Variants in LRRC1 observed in about 807,000 individuals in gnomAD.
The protein encoded by LRRC1 is leucine-rich repeat-containing protein 1.
Under a neutral mutation model 69.9 loss-of-function variants are expected in LRRC1, and 28 were observed. That is an observed-to-expected ratio of 0.40 (90% CI 0.30 to 0.55). The LOEUF is 0.55. Among genes scored for constraint, LRRC1 ranks in the 20% least tolerant of loss-of-function variants. LRRC1 has a pLI of 0.47. For missense variants in LRRC1, 498 were observed against 609.0 expected (o/e 0.82, Z 1.92); for synonymous variants, 236 against 240.2 (o/e 0.98, Z 0.16).
At chr6:53,813,209 T>G (rs116435312) in intron 1 of LRRC1, among the ~76,000 whole-genome samples, 66 of 152,178 alleles carry the variant, frequency 4.3e-4, no homozygotes, top group African/African-American at 1.6e-3. Context: ...GAGTTGAAGA[T>G]TCATAAGAGG....
chr6:53,811,726 C>G (rs762002441), intron 1 of LRRC1, among the ~76,000 whole-genome samples: 1 of 152,212 alleles, frequency 6.6e-6, no homozygotes, highest in African/African-American at 2.4e-5. Flanking sequence ...GATGGGAAAA[C>G]TAAGGCTGAG....
chr6:53,843,604 G>A (rs1581867968), intron 2 of LRRC1, among the ~76,000 whole-genome samples: 2 of 152,286 alleles, frequency 1.3e-5, no homozygotes, highest in South Asian at 2.1e-4. Context: ...TTGTTTTAGA[G>A]TGGCTTATTT....
intron 2 of LRRC1, among the ~76,000 whole-genome samples, chr6:53,855,610 T>G (rs1055195813): frequency 4.6e-5 from 7 of 152,198 alleles, no homozygotes; most frequent in African/African-American, 1.7e-4. Flanking sequence ...GCTGCCTGTA[T>G]TGTGGTGTGC....
chr6:53,882,040 A>G (rs775206153), intron 3 of LRRC1, among the ~76,000 whole-genome samples: 40 of 152,216 alleles, frequency 2.6e-4, no homozygotes, highest in Non-Finnish European at 5.4e-4. Flanking sequence ...CTTAAATAGA[A>G]CTAAAAGAAA....
At chr6:53,850,931 C>A (rs1231835126) in intron 2 of LRRC1, among the ~76,000 whole-genome samples, 1 of 152,054 alleles carries the variant, frequency 6.6e-6, no homozygotes, top group South Asian at 2.1e-4. Context: ...ACGAACTATG[C>A]CAACAAGGTA....
chr6:53,798,649 G>C (rs758685720), intron 1 of LRRC1, among the ~76,000 whole-genome samples: 40 of 152,194 alleles, frequency 2.6e-4, no homozygotes, highest in Non-Finnish European at 4.4e-4. Flanking sequence ...AAAGTGCTGG[G>C]ATTACAGGCG....
intron 10 of LRRC1, among the ~76,000 whole-genome samples, chr6:53,912,662 A>G (rs1008430601): frequency 1.3e-5 from 2 of 152,218 alleles, no homozygotes; most frequent in African/African-American, 4.8e-5. Flanking sequence ...ATTATGTATG[A>G]AAGTAATTAT....
intron 2 of LRRC1, among the ~76,000 whole-genome samples, chr6:53,858,244 C>A (rs574306079): frequency 6.6e-6 from 1 of 151,948 alleles, no homozygotes; most frequent in African/African-American, 2.4e-5. Flanking sequence ...ATTGTGTTTC[C>A]AAGTTTATTT....
In LRRC1 at chr6:53,920,753, A is replaced by C. The variant is rs1348940667; in HGVS notation, c.1408A>C (p.Asn470His). 1 of 1,614,192 alleles carries C rather than the reference A, an allele frequency of 6.2e-7. No homozygotes were observed. The part of the protein sequence containing the change: ...FVEDEKDEED[N>H]ETRTLLRRAT... ...GGAGGATGAGAAAGATGAAGAAGAC[A>C]ATGAGACGGTATGGAAATGCAGATT... Residue 470 changes from asparagine to histidine, a missense_variant, in exon 13 of 14, where the codon AAT (asparagine) becomes CAT (histidine). Physicochemically the swap from Asn to His is moderately conservative, Grantham distance 68. Coordinates refer to ENST00000370888, the MANE Select transcript of LRRC1 (RefSeq NM_018214.5).
intron 3 of LRRC1, 61 bp downstream of exon 3, chr6:53,879,132 C>A (rs183518480): frequency 8.8e-7 from 1 of 1,137,462 alleles, no homozygotes; most frequent in Non-Finnish European, 1.3e-6. Context: ...GAGAGCCAAG[C>A]GGAGAACACA....
chr6:53,818,192 A>G (rs1765007393), intron 1 of LRRC1, among the ~76,000 whole-genome samples: 1 of 152,174 alleles, frequency 6.6e-6, no homozygotes, highest in African/African-American at 2.4e-5. Context: ...GCTATCTTTT[A>G]AAAAATCTAC....
intron 2 of LRRC1, among the ~76,000 whole-genome samples, chr6:53,865,675 T>A (rs1251068014): frequency 6.6e-6 from 1 of 152,060 alleles, no homozygotes; most frequent in Non-Finnish European, 1.5e-5. Context: ...ACATGTTTTT[T>A]AAATCTAATA....
At chr6:53,882,848 T>C (rs1314843677) in intron 3 of LRRC1, 39 bp from the exon 4 acceptor site, 1 of 1,364,604 alleles carries the variant, frequency 7.3e-7, no homozygotes, top group Non-Finnish European at 1.0e-6. Context: ...ACATGAACTT[T>C]TTTAATTTAC....
intron 1 of LRRC1, among the ~76,000 whole-genome samples, chr6:53,816,039 T>C (rs1237718613): frequency 6.6e-6 from 1 of 152,252 alleles, no homozygotes; most frequent in Non-Finnish European, 1.5e-5. Context: ...CTTTTCTTGC[T>C]AATCACTTAA....
rs1307617088 is a variant in LRRC1 at position 53,856,577 on chromosome 6, A to G, written c.277+14350A>G. Among the ~76,000 whole-genome samples the G allele has an allele frequency of 2.6e-5, 4 of 152,162 alleles. No individual in the cohort carries two copies. In the East Asian group the frequency reaches 5.8e-4, roughly 22 times the overall value. ...TTTCTGGGCAGATGAAATAACATGAATGTGTGTCTGAAGGTTTGAAATAGC... is the reference window on the plus strand; with the variant it reads ...TTTCTGGGCAGATGAAATAACATGAGTGTGTGTCTGAAGGTTTGAAATAGC... On this transcript the variant is annotated intron_variant, in intron 2 of 13. Transcript: ENST00000370888.
In LRRC1 at chr6:53,920,932, A is replaced by G. The variant is rs1053848105; in HGVS notation, c.1416+171A>G. ...GGTAATTCTAGGTACTCACTCACAA[A>G]AGGTAAATGAGGCAAATGGAACTCA... On this transcript the variant is annotated intron_variant, in intron 13 of 13. Transcript: ENST00000370888. 2.3e-5 allele frequency: 16 copies of G among 697,536 alleles called. No homozygotes were observed. In the Admixed American group the frequency reaches 3.2e-4, roughly 14 times the overall value. 43.2% of individuals were successfully genotyped at this position (697,536 alleles called of 1,614,324 possible). A position where few individuals can be genotyped will look rare whatever the true frequency, so the allele number is the denominator to read the frequency against.
intron 1 of LRRC1, among the ~76,000 whole-genome samples, chr6:53,839,266 C>A (rs527450574): frequency 1.3e-5 from 2 of 152,032 alleles, no homozygotes; most frequent in South Asian, 4.2e-4. Context: ...TTACGTATTG[C>A]TCAATTGCTT....
rs535392713 is a variant in LRRC1, at chr6:53,866,742, G to T, written c.278-12251G>T. Reference sequence around the variant, plus strand: ...GAAATACTGTTTGTAATCCAAAATTGATAAAGATTATTCATACTAAAGAAT... The same window carrying T: ...GAAATACTGTTTGTAATCCAAAATTTATAAAGATTATTCATACTAAAGAAT... On this transcript the variant is annotated intron_variant, in intron 2 of 13. Coordinates refer to ENST00000370888, the MANE Select transcript of LRRC1 (RefSeq NM_018214.5). Among the ~76,000 whole-genome samples, 49 of 152,194 alleles carry T rather than the reference G, an allele frequency of 3.2e-4. 1 individual carries two copies. The highest frequency in any genetic ancestry group is 1.2e-3 in the African/African-American group (49 of 41,480).
At chr6:53,796,615 G>A (rs1255093546) in intron 1 of LRRC1, among the ~76,000 whole-genome samples, 1 of 152,162 alleles carries the variant, frequency 6.6e-6, no homozygotes, top group Non-Finnish European at 1.5e-5. Flanking sequence ...TAAGAACTGT[G>A]TGTTTTTCTC....
Sources: gnomAD v4.1 joint callset for allele counts (sites outside exome capture counted in the v4.1 genomes callset) on GRCh38, gnomAD v4.1.1 for gene constraint, MANE v1.5 for transcripts, NCBI Gene and HGNC (gene_info 2026-07-23, HGNC 2026-07-21) for gene names.